The following AMMECR1 variants were observed in gnomAD, a reference collection of about 807,000 sequenced individuals.
AMMECR1 encodes nuclear protein AMMECR1.
In AMMECR1, 3 loss-of-function variants were observed where a neutral mutation model predicts 22.5. The observed-to-expected ratio is 0.13, with a 90% CI of 0.06 to 0.35. The LOEUF is 0.35. Ranked by LOEUF, AMMECR1 falls within the 10% of genes least tolerant of loss-of-function variation. The pLI, the probability that AMMECR1 is intolerant of heterozygous loss-of-function variation, is 1.00. For synonymous variants in AMMECR1, 130 were observed against 116.7 expected, an observed-to-expected ratio of 1.11 and a Z score of -0.74; for missense variants, 235 against 278.7, an observed-to-expected ratio of 0.84 and a Z score of 1.12.
intron 2 of AMMECR1, among the ~76,000 whole-genome samples, chrX:110,348,887 T>C (rs1005210664): frequency 4.5e-5 from 5 of 111,448 alleles, no homozygotes; most frequent in Non-Finnish European, 7.5e-5. Flanking sequence ...TGAAAACAGG[T>C]TTTTACTTTT....
intron 2 of AMMECR1, among the ~76,000 whole-genome samples, chrX:110,408,886 C>G (rs1256000772): frequency 4.5e-5 from 5 of 111,968 alleles, no homozygotes; most frequent in Middle Eastern, 9.3e-3. Flanking sequence ...ATATAGCTAT[C>G]TTTTTGAACT....
At chrX:110,245,943 G>A (rs759227560) in intron 2 of AMMECR1, among the ~76,000 whole-genome samples, 1 of 112,154 alleles carries the variant, frequency 8.9e-6, no homozygotes, top group Non-Finnish European at 1.9e-5. Flanking sequence ...TAGTGCTACT[G>A]TGAATAAAAT....
chrX:110,328,500 A>T (rs1160262983), intron 2 of AMMECR1, among the ~76,000 whole-genome samples: 7 of 83,465 alleles, frequency 8.4e-5, no homozygotes, highest in Non-Finnish European at 1.3e-4. Context: ...AAGTTCTGGG[A>T]TACATGTGCA....
intron 2 of AMMECR1, among the ~76,000 whole-genome samples, chrX:110,371,865 T>C (rs2068340997): frequency 9.0e-6 from 1 of 111,414 alleles, no homozygotes; most frequent in East Asian, 2.8e-4. Context: ...TGCTTCACCA[T>C]CCTTTTTGCT....
At chrX:110,411,382 T>C (rs2068640706) in intron 2 of AMMECR1, among the ~76,000 whole-genome samples, 1 of 111,860 alleles carries the variant, frequency 8.9e-6, no homozygotes, top group Non-Finnish European at 1.9e-5. Flanking sequence ...ATTTAATACA[T>C]GGTGCCATTT....
intron 1 of AMMECR1, among the ~76,000 whole-genome samples, chrX:110,281,225 A>C (rs954845985): frequency 8.9e-6 from 1 of 112,196 alleles, no homozygotes; most frequent in African/African-American, 3.2e-5. Context: ...ATTAAACTCA[A>C]GTATATTTGC....
intron 1 of AMMECR1, among the ~76,000 whole-genome samples, chrX:110,436,979 T>C (rs1192533944): frequency 3.6e-5 from 4 of 112,076 alleles, no homozygotes; most frequent in African/African-American, 6.5e-5. Flanking sequence ...TGGACCCTGA[T>C]CTCCCAGAAG....
At chrX:110,209,326 CAAT>C (rs2067436331) in intron 3 of AMMECR1, among the ~76,000 whole-genome samples, 1 of 112,098 alleles carries the variant, frequency 8.9e-6, no homozygotes, top group Non-Finnish European at 1.9e-5. Flanking sequence ...AAGAGGAAAA[CAAT>C]AACATTCTAT....
At chrX:110,254,629 A>T (rs1050449234) in intron 2 of AMMECR1, among the ~76,000 whole-genome samples, 3 of 110,507 alleles carry the variant, frequency 2.7e-5, no homozygotes, top group African/African-American at 1.0e-4. Flanking sequence ...ATTTTCATTG[A>T]ACAGATACAA....
At chrX:110,405,091 C>A (rs1452462100) in intron 2 of AMMECR1, among the ~76,000 whole-genome samples, 2 of 81,339 alleles carry the variant, frequency 2.5e-5, no homozygotes, top group African/African-American at 1.4e-4. Context: ...TGTTGTGTCC[C>A]CCCCCCCCCC....
intron 2 of AMMECR1, among the ~76,000 whole-genome samples, chrX:110,352,057 CT>C (rs2068213274): frequency 9.0e-6 from 1 of 111,382 alleles, no homozygotes. Flanking sequence ...GTGGCTATAA[CT>C]TTTTTTAAAA....
chrX:110,306,003 G>A (rs536067926), intron 1 of AMMECR1, among the ~76,000 whole-genome samples: 3 of 107,296 alleles, frequency 2.8e-5, no homozygotes, highest in South Asian at 4.1e-4. Context: ...AAAATTGGGC[G>A]AGGCGCGGTG....
At chrX:110,410,979 C>T (rs2068638178) in intron 2 of AMMECR1, among the ~76,000 whole-genome samples, 1 of 112,377 alleles carries the variant, frequency 8.9e-6, no homozygotes, top group Admixed American at 9.4e-5. Context: ...AATGGCAAAT[C>T]TATCTGCTCT....
At chrX:110,373,249 T>C (rs2068351820) in intron 2 of AMMECR1, among the ~76,000 whole-genome samples, 1 of 111,869 alleles carries the variant, frequency 8.9e-6, no homozygotes, top group Non-Finnish European at 1.9e-5. Flanking sequence ...ACAAACAGGA[T>C]GTAGGTCATC....
intron 1 of AMMECR1, among the ~76,000 whole-genome samples, chrX:110,432,132 T>A (rs1399025643): frequency 1.8e-5 from 2 of 111,885 alleles, no homozygotes; most frequent in Non-Finnish European, 3.8e-5. Flanking sequence ...TAAGAGGGGA[T>A]CCCTGGGTGG....
At chrX:110,354,556 G>A (rs756062921) in intron 2 of AMMECR1, among the ~76,000 whole-genome samples, 3 of 111,724 alleles carry the variant, frequency 2.7e-5, no homozygotes, top group East Asian at 2.8e-4. Context: ...TCTGTGGGAC[G>A]TCTTGGAACC....
Position 110,198,228 on chromosome X carries a change from G to A in AMMECR1, c.*292C>T, listed in dbSNP as rs1195809809. On this transcript the variant is annotated 3_prime_UTR_variant, in exon 6 of 6. Transcript: ENST00000262844. Reference sequence around the variant, plus strand: ...AGGACAGAAAAACAGAAACCTGACTGAGACAGCAAAGCAAAATTCTACATA... The same window carrying A: ...AGGACAGAAAAACAGAAACCTGACTAAGACAGCAAAGCAAAATTCTACATA... 4 of 164,246 alleles carry A rather than the reference G, an allele frequency of 2.4e-5. No individual in the cohort carries two copies. Among genetic ancestry groups the A allele is most frequent in the Non-Finnish European group, 4.5e-5 (4 of 88,373 alleles). 13.5% of individuals were successfully genotyped at this position (164,246 alleles called of 1,213,427 possible).
At chrX:110,249,234 T>C (rs1380332295) in intron 2 of AMMECR1, among the ~76,000 whole-genome samples, 1 of 110,920 alleles carries the variant, frequency 9.0e-6, no homozygotes, top group Non-Finnish European at 1.9e-5. Flanking sequence ...CAGTGATTTT[T>C]TTTTTTTCTG....
chrX:110,425,099 C>T (rs1016645154), intron 2 of AMMECR1, among the ~76,000 whole-genome samples: 7 of 111,898 alleles, frequency 6.3e-5, no homozygotes, highest in African/African-American at 2.3e-4. Context: ...TTGCCTCCTG[C>T]TCCCAAGTCA....
Sources: gnomAD v4.1 joint callset for allele counts (sites outside exome capture counted in the v4.1 genomes callset) on GRCh38, gnomAD v4.1.1 for gene constraint, MANE v1.5 for transcripts, NCBI Gene and HGNC (gene_info 2026-07-23, HGNC 2026-07-21) for gene names.